Variants in PLEKHA8 observed in about 807,000 individuals in gnomAD.
PLEKHA8 encodes the protein pleckstrin homology domain containing A8, also known as pleckstrin homology domain-containing family A member 8.
In PLEKHA8, 36 loss-of-function variants were observed where a neutral mutation model predicts 68.2. That is an observed-to-expected ratio of 0.53 (90% CI 0.40 to 0.70). The LOEUF is 0.70. PLEKHA8 is among the 30% of genes least tolerant of loss of function. PLEKHA8 has a pLI of 0.00. For synonymous variants in PLEKHA8, 211 were observed against 216.1 expected, an observed-to-expected ratio of 0.98 and a Z score of 0.20; for missense variants, 505 against 615.4, an observed-to-expected ratio of 0.82 and a Z score of 1.90.
chr7:30,039,534 A>G (rs1464486151), intron 1 of PLEKHA8, among the ~76,000 whole-genome samples: 1 of 152,204 alleles, frequency 6.6e-6, no homozygotes, highest in Non-Finnish European at 1.5e-5. Context: ...CTAAAATGAA[A>G]TAAAATAAGA....
chr7:30,078,647 G>C lies in PLEKHA8; in HGVS notation c.1420G>C (p.Glu474Gln), dbSNP rs1457342159. The change falls in exon 14 of 14, where the codon GAA (glutamate) becomes CAA (glutamine). Residue 474 changes from glutamate (E) to glutamine (Q), a missense_variant. Transcript: ENST00000449726. ...TTTTGTGGCCGCGTTAACCGTAAAG[G>C]AAGGTGACCACCAGAAAGAAGCTTT... ...EDFVAALTVKEGDHQKEAFSI... is the reference protein window; with the variant it reads ...EDFVAALTVKQGDHQKEAFSI... 1.9e-6 allele frequency: 3 copies of C among 1,613,794 alleles called. No individual in the cohort carries two copies. The highest frequency in any genetic ancestry group is 2.5e-6 in the Non-Finnish European group (3 of 1,179,862).
chr7:30,125,337 T>C (rs1796755125), intron 13 of PLEKHA8, among the ~76,000 whole-genome samples: 1 of 152,218 alleles, frequency 6.6e-6, no homozygotes, highest in African/African-American at 2.4e-5. Context: ...CTTATGATTT[T>C]TCAGCTGCGT....
At chr7:30,049,087 C>A in intron 4 of PLEKHA8, 137 bp from the exon 5 acceptor site, 1 of 1,054,218 alleles carries the variant, frequency 9.5e-7, no homozygotes. Context: ...TTGGGCTTTT[C>A]TTTTATAACT....
chr7:30,073,624 T>G (rs1487703810), intron 12 of PLEKHA8, among the ~76,000 whole-genome samples: 1 of 151,694 alleles, frequency 6.6e-6, no homozygotes, highest in Admixed American at 6.6e-5. Flanking sequence ...TTAGATTTTT[T>G]GGGTCCAAAA....
Position 30,079,273 on chromosome 7 carries a change from AC to A in PLEKHA8, c.*489del. 1 of 988,852 alleles carries A rather than the reference AC, an allele frequency of 1.0e-6. No individual in the cohort carries two copies. Among genetic ancestry groups the A allele is most frequent in the Non-Finnish European group, 1.2e-6 (1 of 832,264 alleles). The allele number at this position is 988,852 out of a possible 1,614,324, so 61.3% of individuals were successfully genotyped here. A position where few individuals can be genotyped will look rare whatever the true frequency, so the allele number is the denominator to read the frequency against. On this transcript the variant is annotated 3_prime_UTR_variant, in exon 14 of 14. Transcript: ENST00000449726. ...GCTGTTCCTAGATGTTCTTCAGTGG[AC>A]CCTCTTCACTGCAACTCTGTCAGTG...
At chr7:30,120,170 CAAAA>C (rs200775029) in intron 13 of PLEKHA8, among the ~76,000 whole-genome samples, 2 of 130,908 alleles carry the variant, frequency 1.5e-5, no homozygotes, top group African/African-American at 5.5e-5. Context: ...AAAAAAAAAA[CAAAA>C]AAAAAAACAG....
At chr7:30,100,099 G>C (rs1421688562) in intron 13 of PLEKHA8, among the ~76,000 whole-genome samples, 4 of 152,072 alleles carry the variant, frequency 2.6e-5, no homozygotes, top group Non-Finnish European at 5.9e-5. Context: ...TGTGTCTGTT[G>C]TCTTCATGTG....
At chr7:30,055,016 C>T in intron 8 of PLEKHA8, 151 bp downstream of exon 8, 1 of 847,920 alleles carries the variant, frequency 1.2e-6, no homozygotes, top group Non-Finnish European at 1.8e-6. Context: ...CTCTTTCTTA[C>T]CAATGAATAA....
intron 5 of PLEKHA8, among the ~76,000 whole-genome samples, chr7:30,049,767 A>C (rs1369102326): frequency 2.6e-5 from 4 of 152,214 alleles, no homozygotes; most frequent in Non-Finnish European, 4.4e-5. Context: ...CTGTAGGTTA[A>C]AGTCAAAACT....
At chr7:30,087,142 A>C (rs1240152450), downstream of PLEKHA8, among the ~76,000 whole-genome samples, 1 of 152,096 alleles carries the variant, frequency 6.6e-6, no homozygotes, top group African/African-American at 2.4e-5. Flanking sequence ...AGGTTTTTAG[A>C]TATTGTGAAG....
chr7:30,028,465 C>T lies in PLEKHA8; in HGVS notation c.-298C>T. 1 of 321,406 alleles carries T rather than the reference C, an allele frequency of 3.1e-6. No homozygotes were observed. Among genetic ancestry groups the T allele is most frequent in the Non-Finnish European group, 5.7e-6 (1 of 176,390 alleles). 19.9% of individuals were successfully genotyped at this position (321,406 alleles called of 1,614,324 possible). ...CAGCTCGTTCGCCGCACTTTGGAGG[C>T]TTCGGCTGCCCCTCCGACCCACGTA... is the stretch of plus-strand genomic sequence containing the variant. On this transcript the variant is annotated 5_prime_UTR_variant, in exon 1 of 14. Transcript: ENST00000449726.
intron 13 of PLEKHA8, among the ~76,000 whole-genome samples, chr7:30,103,863 A>G (rs73686299): frequency 0.14 from 21,870 of 152,242 alleles, 1,598 homozygotes; most frequent in Middle Eastern, 0.19. Flanking sequence ...AAAAAGCACT[A>G]TAAAGAAAAA....
At chr7:30,117,755 G>A (rs1451678477) in intron 13 of PLEKHA8, among the ~76,000 whole-genome samples, 1 of 152,014 alleles carries the variant, frequency 6.6e-6, no homozygotes, top group Non-Finnish European at 1.5e-5. Context: ...ATTTACAACT[G>A]CCAGAATTTA....
rs568528597 is a variant in PLEKHA8 at position 30,041,932 on chromosome 7, G to A, written c.41-3153G>A. Among the ~76,000 whole-genome samples, 54 of 152,126 alleles carry A rather than the reference G, an allele frequency of 3.5e-4. 2 individuals are homozygous for A. In the South Asian group the frequency reaches 0.011, roughly 30 times the overall value. ...CTTTCTTGTGTCATGTAAAATAATG[G>A]TGTGTCTTAAAATTGATGATGTGAT... is the stretch of plus-strand genomic sequence containing the variant. On this transcript the variant is annotated intron_variant, in intron 1 of 13. Coordinates refer to ENST00000449726, the MANE Select transcript of PLEKHA8 (RefSeq NM_001197026.2).
intron 2 of PLEKHA8, among the ~76,000 whole-genome samples, chr7:30,045,568 C>G (rs1791889692): frequency 6.6e-6 from 1 of 152,062 alleles, no homozygotes; most frequent in South Asian, 2.1e-4. Context: ...CACCCTCCAC[C>G]AAAACAAAAC....
chr7:30,111,390 A>G (rs1024546260), intron 13 of PLEKHA8, among the ~76,000 whole-genome samples: 1 of 152,186 alleles, frequency 6.6e-6, no homozygotes. Flanking sequence ...GAAATAAGAA[A>G]ATGTAATTCT....
chr7:30,033,029 T>C (rs1790782894), intron 1 of PLEKHA8, among the ~76,000 whole-genome samples: 1 of 152,252 alleles, frequency 6.6e-6, no homozygotes, highest in African/African-American at 2.4e-5. Context: ...TCTTGCCCTA[T>C]ATACTATATA....
intron 2 of PLEKHA8, among the ~76,000 whole-genome samples, 199 bp from the exon 3 acceptor site, chr7:30,046,011 C>T (rs986682233): frequency 1.3e-5 from 2 of 152,180 alleles, no homozygotes; most frequent in African/African-American, 2.4e-5. Context: ...GCAAGGTTTT[C>T]CCTCTTGATT....
downstream of PLEKHA8, among the ~76,000 whole-genome samples, chr7:30,090,975 A>G (rs115563493): frequency 5.3e-3 from 812 of 152,282 alleles, 8 homozygotes; most frequent in African/African-American, 0.019. Flanking sequence ...AGCTTGGGCA[A>G]CAGAGCAAGA....
Sources: allele counts gnomAD v4.1 joint callset (sites outside exome capture counted in the v4.1 genomes callset), GRCh38; gene constraint gnomAD v4.1.1; transcripts MANE v1.5; gene names NCBI Gene and HGNC (gene_info 2026-07-23, HGNC 2026-07-21).